WDR1: variants seen among roughly 807,000 people sequenced by gnomAD.
WDR1 encodes WD repeat-containing protein 1.
WDR1 carries 21 observed loss-of-function variants against 71.9 expected under a neutral mutation model. That is an observed-to-expected ratio of 0.29 (90% CI 0.21 to 0.42). WDR1 has a LOEUF of 0.42. WDR1 is among the 10% of genes least tolerant of loss of function. The pLI is 1.00. For synonymous variants in WDR1, 424 were observed against 347.4 expected, an observed-to-expected ratio of 1.22 and a Z score of -2.45; for missense variants, 696 against 824.5, an observed-to-expected ratio of 0.84 and a Z score of 1.91.
rs567571834 is a variant in WDR1, at chr4:10,078,464, G to A, written c.1395+427C>T. 4.8e-5 allele frequency: 9 copies of A among 186,082 alleles called. No homozygotes were observed. In the South Asian group the frequency reaches 1.1e-3, roughly 22 times the overall value. 11.5% of individuals were successfully genotyped at this position (186,082 alleles called of 1,614,324 possible). A position where few individuals can be genotyped will look rare whatever the true frequency, so the allele number is the denominator to read the frequency against. ...TGTCTGGTTAGTACCGCACCTTGAAGATGCTGGGAAACTTCTGTCACTCTT... is the reference window on the plus strand; with the variant it reads ...TGTCTGGTTAGTACCGCACCTTGAAAATGCTGGGAAACTTCTGTCACTCTT... On this transcript the variant is annotated intron_variant, in intron 12 of 14. Coordinates refer to ENST00000499869, the MANE Select transcript of WDR1 (RefSeq NM_017491.5).
intron 6 of WDR1, 129 bp from the exon 7 acceptor site, chr4:10,088,502 G>A (rs1346754871): frequency 8.7e-7 from 1 of 1,151,738 alleles, no homozygotes; most frequent in Non-Finnish European, 1.3e-6. Context: ...TTTAAAAGCA[G>A]ACATGCATTT....
chr4:10,114,429 G>A (rs1313615898), intron 2 of WDR1, among the ~76,000 whole-genome samples: 3 of 152,260 alleles, frequency 2.0e-5, no homozygotes, highest in Non-Finnish European at 2.9e-5. Flanking sequence ...TTAGAGTAAC[G>A]GACCCATGTG....
intron 3 of WDR1, among the ~76,000 whole-genome samples, chr4:10,101,636 C>G (rs192223325): frequency 2.6e-5 from 4 of 152,336 alleles, no homozygotes; most frequent in Admixed American, 2.0e-4. Context: ...TGTGGTCTGT[C>G]CTTTGCAACA....
chr4:10,091,926 C>T (rs1712015971), intron 5 of WDR1: 2 of 152,452 alleles, frequency 1.3e-5, no homozygotes, highest in Admixed American at 1.3e-4. Flanking sequence ...CACTTCTAGA[C>T]CCCCTGTTGG....
chr4:10,092,787 G>A, intron 5 of WDR1: 1 of 312,998 alleles, frequency 3.2e-6, no homozygotes, highest in South Asian at 2.5e-5. Flanking sequence ...AGGGATTGGG[G>A]AACCTCCCGG....
intron 2 of WDR1, chr4:10,108,538 G>C (rs1713160260): frequency 6.6e-6 from 1 of 152,260 alleles, no homozygotes; most frequent in African/African-American, 2.4e-5. Flanking sequence ...GGCCAAGTGA[G>C]CGTGAGCTTC....
chr4:10,112,320 G>A (rs769626880), intron 2 of WDR1, among the ~76,000 whole-genome samples: 25 of 152,096 alleles, frequency 1.6e-4, no homozygotes, highest in Non-Finnish European at 2.6e-4. Context: ...TTAGACCCCC[G>A]AAGCACAGAC....
At chr4:10,080,481 T>G (rs951327781) in intron 11 of WDR1, among the ~76,000 whole-genome samples, 1 of 152,242 alleles carries the variant, frequency 6.6e-6, no homozygotes, top group African/African-American at 2.4e-5. Flanking sequence ...CAATAATTAC[T>G]TGGCAGGGAT....
chr4:10,082,126 A>G (rs1263305467), intron 10 of WDR1, among the ~76,000 whole-genome samples: 1 of 152,158 alleles, frequency 6.6e-6, no homozygotes, highest in Non-Finnish European at 1.5e-5. Context: ...AGGGCAGTAG[A>G]AAGAGGACCA....
At chr4:10,094,890 C>A (rs904753342) in intron 5 of WDR1, 7 of 152,260 alleles carry the variant, frequency 4.6e-5, no homozygotes, top group African/African-American at 1.7e-4. Context: ...TCAGCTTGTA[C>A]TGAAACGCCT....
At chr4:10,078,005 G>A in intron 12 of WDR1, 79 bp from the exon 13 acceptor site, 1 of 1,450,864 alleles carries the variant, frequency 6.9e-7, no homozygotes, top group Admixed American at 2.6e-5. Context: ...GGGGGTCGAG[G>A]GCTTAAGAAA....
chr4:10,078,963 G>A lies in WDR1; in HGVS notation c.1323C>T (p.Ile441=), dbSNP rs369081126. 9 of 1,612,332 alleles carry A rather than the reference G, an allele frequency of 5.6e-6. No homozygotes were observed. Among genetic ancestry groups the A allele is most frequent in the South Asian group, 5.5e-5 (5 of 90,864 alleles). Residue 441 remains isoleucine, a synonymous_variant, in exon 12 of 15, where the codon ATC becomes ATT. Coordinates refer to ENST00000499869, the MANE Select transcript of WDR1 (RefSeq NM_017491.5). ...LLKDQRKCFS[I]DNPGYEPEVV... ...CTTCGGGCTCGTAGCCGGGGTTGTC[G>A]ATGCTGAAGCACTTCCTCTGATCCT...
intron 5 of WDR1, 89 bp from the exon 6 acceptor site, chr4:10,088,830 C>T (rs1471986847): frequency 9.8e-7 from 1 of 1,017,942 alleles, no homozygotes; most frequent in East Asian, 2.6e-5. Flanking sequence ...GCTTGCAGCT[C>T]CAGCTGTTCA....
chr4:10,090,393 A>G (rs1711890788), intron 5 of WDR1, among the ~76,000 whole-genome samples: 1 of 152,104 alleles, frequency 6.6e-6, no homozygotes, highest in African/African-American at 2.4e-5. Flanking sequence ...CGATGTCCCC[A>G]CAAAGTCCGT....
intron 8 of WDR1, among the ~76,000 whole-genome samples, chr4:10,085,512 G>A (rs767659392): frequency 1.7e-4 from 26 of 152,188 alleles, no homozygotes; most frequent in Admixed American, 3.3e-4. Context: ...CTTACAGCGC[G>A]GACCTCAGAC....
At chr4:10,098,808 G>A (rs938912097) in intron 4 of WDR1, among the ~76,000 whole-genome samples, 184 bp downstream of exon 4, 9 of 152,218 alleles carry the variant, frequency 5.9e-5, no homozygotes, top group African/African-American at 2.2e-4. Context: ...AACCCAGTGT[G>A]ATGTGGAGTT....
At chr4:10,105,806 C>T (rs1712979028) in intron 2 of WDR1, among the ~76,000 whole-genome samples, 1 of 152,166 alleles carries the variant, frequency 6.6e-6, no homozygotes, top group African/African-American at 2.4e-5. Flanking sequence ...ATGTGTCCAC[C>T]AAAAGACACA....
chr4:10,102,194 T>A (rs1712720480), intron 3 of WDR1, among the ~76,000 whole-genome samples: 1 of 152,184 alleles, frequency 6.6e-6, no homozygotes. Context: ...ATGCTGGGCA[T>A]ATCCATGCCT....
chr4:10,103,832 C>T, intron 3 of WDR1, 64 bp downstream of exon 3: 1 of 1,396,174 alleles, frequency 7.2e-7, no homozygotes, highest in Non-Finnish European at 9.8e-7. Context: ...CCCAGCTTCG[C>T]CCTGGGCCCT....
Sources: allele counts gnomAD v4.1 joint callset (sites outside exome capture counted in the v4.1 genomes callset), GRCh38; gene constraint gnomAD v4.1.1; transcripts MANE v1.5; gene names NCBI Gene and HGNC (gene_info 2026-07-23, HGNC 2026-07-21).